Variants in CHLSN observed in about 807,000 individuals in gnomAD.
CHLSN encodes the protein protein cholesin.
the CHLSN span, among the ~76,000 whole-genome samples, chr7:1,036,579 G>A: frequency 6.6e-6 from 1 of 151,504 alleles, no homozygotes; most frequent in Non-Finnish European, 1.5e-5. Context: ...TTGATAATGG[G>A]GGAGGCCGTG....
chr7:983,968 C>A, the CHLSN span, among the ~76,000 whole-genome samples: 2 of 152,126 alleles, frequency 1.3e-5, no homozygotes, highest in East Asian at 1.9e-4. Flanking sequence ...CCGGGCCCTG[C>A]CTCCGGCTGC....
chr7:1,117,609 G>A, the CHLSN span, among the ~76,000 whole-genome samples: 26 of 122,184 alleles, frequency 2.1e-4, no homozygotes, highest in Middle Eastern at 0.026. Context: ...TTCCATCACC[G>A]ACGCTCACGC....
chr7:1,050,961 G>A, the CHLSN span, among the ~76,000 whole-genome samples: 8 of 152,372 alleles, frequency 5.3e-5, no homozygotes, highest in African/African-American at 7.2e-5. Flanking sequence ...CGGCCATGCC[G>A]TCAGAGAGGG....
chr7:1,015,145 G>A, the CHLSN span, among the ~76,000 whole-genome samples: 2 of 152,240 alleles, frequency 1.3e-5, no homozygotes, highest in African/African-American at 4.8e-5. Context: ...CTCACACCAG[G>A]GAGGTGTGAT....
the CHLSN span, among the ~76,000 whole-genome samples, chr7:1,017,864 C>G: frequency 3.4e-3 from 516 of 152,162 alleles, 2 homozygotes; most frequent in African/African-American, 0.012. Context: ...AAAACCACAC[C>G]CGCCTTGGTG....
chr7:1,091,586 G>A, the CHLSN span: 1 of 699,184 alleles, frequency 1.4e-6, no homozygotes, highest in Non-Finnish European at 2.5e-6. Context: ...CACCACAGGT[G>A]CTCCTCCTGG....
the CHLSN span, chr7:984,336 C>A: frequency 6.7e-7 from 1 of 1,493,978 alleles, no homozygotes; most frequent in Admixed American, 2.2e-5. Flanking sequence ...CTACCCAGCA[C>A]AGGCCCGGCC....
At chr7:1,057,726 G>C in the CHLSN span, 1 of 775,386 alleles carries the variant, frequency 1.3e-6, no homozygotes, top group Non-Finnish European at 2.4e-6. Context: ...CAACATGGCA[G>C]TGGCAGGCCT....
At chr7:1,097,698 C>T in the CHLSN span, among the ~76,000 whole-genome samples, 1 of 152,100 alleles carries the variant, frequency 6.6e-6, no homozygotes, top group Non-Finnish European at 1.5e-5. The surrounding 1 kb of genome is among the most constrained non-coding windows in gnomAD (Gnocchi z 4.3). Context: ...CATTAGTGCT[C>T]GGGGAAAGGT....
chr7:988,415 G>A, the CHLSN span: 6 of 1,612,408 alleles, frequency 3.7e-6, no homozygotes, highest in African/African-American at 6.7e-5. Context: ...GCCTTTCTCT[G>A]CAGGTCAGCA....
chr7:1,072,487 G>A, the CHLSN span, among the ~76,000 whole-genome samples: 1 of 152,136 alleles, frequency 6.6e-6, no homozygotes, highest in Non-Finnish European at 1.5e-5. Context: ...CTGCGCTTAG[G>A]CATATGATTA....
At chr7:1,091,659 T>C in the CHLSN span, 2 of 1,108,412 alleles carry the variant, frequency 1.8e-6, no homozygotes, top group South Asian at 3.1e-5. Flanking sequence ...TTTCTAAAGA[T>C]GGATTCACCA....
chr7:1,038,275 T>C, the CHLSN span, among the ~76,000 whole-genome samples: 2 of 78,592 alleles, frequency 2.5e-5, no homozygotes, highest in African/African-American at 4.5e-5. Context: ...GCCCCCCACC[T>C]GGCCAGCCAT....
the CHLSN span, among the ~76,000 whole-genome samples, chr7:1,046,994 C>T: frequency 6.6e-6 from 1 of 152,312 alleles, no homozygotes; most frequent in South Asian, 2.1e-4. Flanking sequence ...CCAAGCCTGC[C>T]CAGAGTCTGC....
the CHLSN span, among the ~76,000 whole-genome samples, chr7:1,102,060 C>T: frequency 3.3e-5 from 5 of 152,354 alleles, no homozygotes; most frequent in African/African-American, 1.2e-4. Flanking sequence ...GGCAGCATGT[C>T]CGCTGACCAC....
the CHLSN span, among the ~76,000 whole-genome samples, chr7:1,094,123 C>A: frequency 6.6e-6 from 1 of 152,224 alleles, no homozygotes; most frequent in African/African-American, 2.4e-5. Flanking sequence ...AGAAGGCTCT[C>A]GGCCGCGTGC....
chr7:1,070,833 A>C, the CHLSN span, among the ~76,000 whole-genome samples: 3 of 96,306 alleles, frequency 3.1e-5, no homozygotes, highest in Non-Finnish European at 6.1e-5. Flanking sequence ...GCACACATAT[A>C]CACACAACGC....
the CHLSN span, among the ~76,000 whole-genome samples, chr7:998,457 C>CTTTTTTTTTTTTTTT: frequency 5.3e-5 from 5 of 95,012 alleles, no homozygotes; most frequent in Non-Finnish European, 1.0e-4. Flanking sequence ...GTCTTAGATT[C>CTTTTTTTTTTTTTTT]TTTTTTTTTT....
chr7:1,092,980 G>A, the CHLSN span: 1 of 910,778 alleles, frequency 1.1e-6, no homozygotes, highest in East Asian at 2.6e-5. Flanking sequence ...GGCTCCTCGG[G>A]GCCTCGCGAG....
Sources: gnomAD v4.1 joint callset for allele counts (sites outside exome capture counted in the v4.1 genomes callset) on GRCh38, gnomAD v4.1.1 for gene constraint, Gnocchi (gnomAD v3.1) non-coding constraint, MANE v1.5 for transcripts, NCBI Gene and HGNC (gene_info 2026-07-23, HGNC 2026-07-21) for gene names.